Variants in ANK3 observed in about 807,000 individuals in gnomAD.
ANK3 encodes ankyrin 3.
In ANK3, 57 loss-of-function variants were observed where a neutral mutation model predicts 370.9. The ratio of observed to expected loss-of-function variants is 0.15; its 90% CI spans 0.12 to 0.19. The LOEUF (loss-of-function observed/expected upper bound fraction) is 0.19, where lower values mean the gene tolerates loss of function less well. Ranked by LOEUF, ANK3 falls within the 10% of genes least tolerant of loss-of-function variation. ANK3 has a pLI of 1.00. For synonymous variants in ANK3, 1,929 were observed against 1,946.3 expected, an observed-to-expected ratio of 0.99 and a Z score of 0.23; for missense variants, 4,439 against 5,302.1, an observed-to-expected ratio of 0.84 and a Z score of 5.06.
Position 60,389,691 on chromosome 10 carries a change from G to A in ANK3, c.-153C>T. On this transcript the variant is annotated 5_prime_UTR_variant, in exon 1 of 44. Transcript: ENST00000280772. ...AAGATATTCACAATGCAAAGATGCTGGAGAAGCTGAAGCTTTTAAAAACCC... is the reference window on the plus strand; with the variant it reads ...AAGATATTCACAATGCAAAGATGCTAGAGAAGCTGAAGCTTTTAAAAACCC... The A allele has an allele frequency of 6.9e-7, 1 of 1,449,828 alleles. No homozygotes were observed. Among genetic ancestry groups the A allele is most frequent in the Middle Eastern group, 1.9e-4 (1 of 5,404 alleles). 89.8% of individuals were successfully genotyped at this position (1,449,828 alleles called of 1,614,324 possible).
chr10:60,733,133 G>T, intron 1 of ANK3: 1 of 751,632 alleles, frequency 1.3e-6, no homozygotes, highest in Non-Finnish European at 1.8e-6. Flanking sequence ...CCGGAGCCTC[G>T]CGGCGCCGCC....
At chr10:60,123,121 C>T (rs901829757) in intron 25 of ANK3, among the ~76,000 whole-genome samples, 2 of 152,192 alleles carry the variant, frequency 1.3e-5, no homozygotes, top group African/African-American at 2.4e-5. Flanking sequence ...CTAGGCAATA[C>T]GAAGTCAACA....
At chr10:60,477,467 A>C (rs1474800577) in intron 2 of ANK3, among the ~76,000 whole-genome samples, 4 of 151,364 alleles carry the variant, frequency 2.6e-5, no homozygotes. Flanking sequence ...GGGGCTACGA[A>C]GTACAGGTGA....
At chr10:60,544,834 A>T (rs2076925758) in intron 2 of ANK3, among the ~76,000 whole-genome samples, 2 of 152,096 alleles carry the variant, frequency 1.3e-5, no homozygotes, top group Non-Finnish European at 2.9e-5. Context: ...ATATAGCTTT[A>T]TCTCAACAAA....
intron 8 of ANK3, among the ~76,000 whole-genome samples, chr10:60,233,624 T>G (rs1450577485): frequency 6.6e-6 from 1 of 152,130 alleles, no homozygotes; most frequent in Non-Finnish European, 1.5e-5. Flanking sequence ...TTGGTAGAGA[T>G]GGAGGTTTTG....
At chr10:60,037,580 A>G (rs1268664886) in intron 43 of ANK3, among the ~76,000 whole-genome samples, 1 of 152,128 alleles carries the variant, frequency 6.6e-6, no homozygotes, top group Non-Finnish European at 1.5e-5. Flanking sequence ...GCTAAGGATA[A>G]TGGTCTCTAT....
In ANK3 at chr10:60,033,612, C is replaced by T. The variant is rs538456722; in HGVS notation, c.*20-3786G>A. Among the ~76,000 whole-genome samples the T allele has an allele frequency of 4.0e-5, 6 of 150,854 alleles. No individual in the cohort carries two copies. The South Asian group carries it at 1.3e-3, about 32-fold the overall frequency. The stretch of plus-strand genomic sequence containing the variant: ...AGTTAAATATGTACTGCATACATCA[C>T]ATCTTCAAGTCAGCAGCATGCTCTG... On this transcript the variant is annotated intron_variant, in intron 43 of 43. Transcript: ENST00000280772.
chr10:60,240,281 C>CACATATAT (rs1555185825), intron 7 of ANK3, among the ~76,000 whole-genome samples: 45 of 88,352 alleles, frequency 5.1e-4, no homozygotes, highest in Non-Finnish European at 8.8e-4. Context: ...TACACACACA[C>CACATATAT]ATATATATAT....
intron 43 of ANK3, among the ~76,000 whole-genome samples, chr10:60,037,441 C>T (rs1043040297): frequency 6.6e-6 from 1 of 152,064 alleles, no homozygotes; most frequent in African/African-American, 2.4e-5. Context: ...TTTTCCTCTC[C>T]TCTCCCCTCT....
At chr10:60,609,081 T>C (rs2078167675) in intron 2 of ANK3, among the ~76,000 whole-genome samples, 1 of 152,162 alleles carries the variant, frequency 6.6e-6, no homozygotes, top group African/African-American at 2.4e-5. Context: ...GGAATGACTG[T>C]ATAGTAGTGG....
intron 17 of ANK3, among the ~76,000 whole-genome samples, chr10:60,182,185 A>T (rs775839399): frequency 2.6e-5 from 4 of 152,116 alleles, no homozygotes; most frequent in Non-Finnish European, 5.9e-5. Context: ...GTGAACACTG[A>T]CATATGCTGA....
At chr10:60,373,411 G>C (rs2060359267) in intron 1 of ANK3, among the ~76,000 whole-genome samples, 1 of 152,204 alleles carries the variant, frequency 6.6e-6, no homozygotes, top group Non-Finnish European at 1.5e-5. Flanking sequence ...AACAAGGCAA[G>C]AATTGGGTCC....
chr10:60,083,797 T>A, intron 32 of ANK3, 180 bp from the exon 33 acceptor site: 1 of 532,024 alleles, frequency 1.9e-6, no homozygotes, highest in Non-Finnish European at 3.3e-6. Flanking sequence ...ACTCACCAAC[T>A]GTAATTGGAA....
chr10:60,448,660 T>A (rs902345162), intron 2 of ANK3, among the ~76,000 whole-genome samples: 1 of 152,192 alleles, frequency 6.6e-6, no homozygotes, highest in Non-Finnish European at 1.5e-5. Flanking sequence ...GACTCCCCAG[T>A]CAACTCCATG....
intron 1 of ANK3, among the ~76,000 whole-genome samples, chr10:60,344,495 G>A (rs779834111): frequency 1.3e-4 from 20 of 152,062 alleles, no homozygotes; most frequent in Non-Finnish European, 2.4e-4. Context: ...CTACAAAGAC[G>A]CACAGCAAAG....
chr10:60,588,323 T>TA (rs34908050), intron 2 of ANK3, among the ~76,000 whole-genome samples: 70,939 of 151,026 alleles, frequency 0.47, 17,073 homozygotes, highest in Middle Eastern at 0.52. Flanking sequence ...CGGCTGGCAT[T>TA]ACAGGCGAGT....
At chr10:60,292,432 A>AT (rs748082952) in intron 1 of ANK3, among the ~76,000 whole-genome samples, 31 of 150,728 alleles carry the variant, frequency 2.1e-4, no homozygotes, top group Admixed American at 8.6e-4. Context: ...GCCCTGGAGA[A>AT]TTTTTTTTTT....
intron 2 of ANK3, among the ~76,000 whole-genome samples, chr10:60,468,432 G>A (rs1340759804): frequency 6.6e-6 from 1 of 152,044 alleles, no homozygotes; most frequent in African/African-American, 2.4e-5. Flanking sequence ...AAAGAAAAAG[G>A]AACAGCAATA....
chr10:60,147,142 G>C (rs1345272485), intron 23 of ANK3, among the ~76,000 whole-genome samples: 1 of 152,160 alleles, frequency 6.6e-6, no homozygotes, highest in Non-Finnish European at 1.5e-5. Flanking sequence ...TTGGAGGATG[G>C]AATTGTGCCA....
Sources: allele counts gnomAD v4.1 joint callset (sites outside exome capture counted in the v4.1 genomes callset), GRCh38; gene constraint gnomAD v4.1.1; transcripts MANE v1.5; gene names NCBI Gene and HGNC (gene_info 2026-07-23, HGNC 2026-07-21).